The following ADGRV1 variants were observed in gnomAD, a reference collection of about 807,000 sequenced individuals.
ADGRV1 encodes the protein G-protein coupled receptor 98.
Under a neutral mutation model 596.2 loss-of-function variants are expected in ADGRV1, and 359 were observed. The ratio of observed to expected loss-of-function variants is 0.60; its 90% CI spans 0.55 to 0.66. The LOEUF is 0.66. ADGRV1 is among the 30% of genes least tolerant of loss of function. The probability of loss-of-function intolerance (pLI) is 0.00; values close to 1 mark genes in which losing one functional copy is unlikely to be tolerated. For missense variants in ADGRV1, 7,274 were observed against 7,575.6 expected (o/e 0.96, Z 1.48); for synonymous variants, 2,681 against 2,679.2 (o/e 1.00, Z -0.02).
intron 1 of ADGRV1, among the ~76,000 whole-genome samples, chr5:90,595,778 C>T (rs1282898593): frequency 7.1e-5 from 10 of 140,042 alleles, no homozygotes; most frequent in East Asian, 4.7e-4. Flanking sequence ...GGTGGCTGGC[C>T]GGGCGGGAGG....
intron 9 of ADGRV1, among the ~76,000 whole-genome samples, chr5:90,632,340 T>C (rs1236550456): frequency 1.3e-5 from 2 of 152,176 alleles, no homozygotes; most frequent in African/African-American, 2.4e-5. Context: ...GTTTGAGAAT[T>C]GATGATGCAG....
chr5:90,904,899 A>G (rs1308129060), intron 83 of ADGRV1, among the ~76,000 whole-genome samples: 1 of 140,548 alleles, frequency 7.1e-6, no homozygotes, highest in Non-Finnish European at 1.5e-5. Context: ...ATCCATTTTG[A>G]TTTGATTTTT....
intron 83 of ADGRV1, among the ~76,000 whole-genome samples, chr5:90,927,420 G>A (rs183396450): frequency 1.3e-3 from 194 of 152,148 alleles, no homozygotes; most frequent in Admixed American, 5.2e-3. Flanking sequence ...ATCTTTGTTG[G>A]TTTAAAGTCT....
At chr5:90,669,781 T>C (rs950192010) in intron 21 of ADGRV1, among the ~76,000 whole-genome samples, 3 of 152,222 alleles carry the variant, frequency 2.0e-5, no homozygotes, top group Non-Finnish European at 2.9e-5. Context: ...CAATTTTCTG[T>C]GTTCACCAAG....
At chr5:90,916,921 C>T (rs994012492) in intron 83 of ADGRV1, among the ~76,000 whole-genome samples, 1 of 152,074 alleles carries the variant, frequency 6.6e-6, no homozygotes, top group African/African-American at 2.4e-5. Flanking sequence ...CGTGAGCCAC[C>T]GCGCCCTGCC....
At position 90,728,894 on chromosome 5, in the gene ADGRV1, A is replaced by T. The variant is rs1197373823; in HGVS notation, c.10387A>T (p.Asn3463Tyr). Reference protein sequence around the residue: ...TTEVEALSSANDIYLIFAENV... With the variant: ...TTEVEALSSAYDIYLIFAENV... ...AGAAGTTGAGGCTTTGTCTTCAGCCAATGATATTTACCTAATATTTGCCGA... is the reference window on the plus strand; with the variant it reads ...AGAAGTTGAGGCTTTGTCTTCAGCCTATGATATTTACCTAATATTTGCCGA... The change falls in exon 49 of 90, where the codon AAT becomes TAT. Residue 3463 changes from asparagine to tyrosine, a missense_variant. This residue lies in a region of ADGRV1 where 3,643 missense variants were observed against 3,809.2 expected (regional missense o/e 0.96). Transcript: ENST00000405460. 2 of 1,613,036 alleles carry T rather than the reference A, an allele frequency of 1.2e-6. No homozygotes were observed. Among genetic ancestry groups the T allele is most frequent in the Non-Finnish European group, 1.7e-6 (2 of 1,179,552 alleles).
intron 83 of ADGRV1, among the ~76,000 whole-genome samples, chr5:90,900,089 T>G (rs1771697782): frequency 6.6e-6 from 1 of 152,218 alleles, no homozygotes; most frequent in African/African-American, 2.4e-5. Context: ...CAGAACATAC[T>G]TATTTCATTT....
chr5:90,622,596 G>A lies in ADGRV1; in HGVS notation c.454-1G>A. The A allele has an allele frequency of 7.0e-7, 1 of 1,422,138 alleles. No homozygotes were observed. Among genetic ancestry groups the A allele is most frequent in the Non-Finnish European group, 9.3e-7 (1 of 1,079,432 alleles). 88.1% of individuals were successfully genotyped at this position (1,422,138 alleles called of 1,614,324 possible). A position where few individuals can be genotyped will look rare whatever the true frequency, so the allele number is the denominator to read the frequency against. ...TCATCTGTGCTTGCTTTCCTCAATA[G>A]CTTCCCTCAATCGCAGTGAGTGAGC... On this transcript the variant is annotated splice_acceptor_variant, in intron 4 of 89. Transcript: ENST00000405460. LOFTEE classifies it high-confidence loss of function.
rs186745482 is a variant in ADGRV1, at chr5:91,004,717, C to G, written c.18152+19195C>G. Among the ~76,000 whole-genome samples, 578 of 152,142 alleles carry G rather than the reference C, an allele frequency of 3.8e-3. 2 individuals are homozygous for G. The highest frequency in any genetic ancestry group is 0.013 in the African/African-American group (553 of 41,504). ...TTGATTTAATCATTTGTTGTGAATT[C>G]TAAAGCTAAAGAGAAATGCTGGAAA... On this transcript the variant is annotated intron_variant, in intron 85 of 89. Transcript: ENST00000405460.
Position 90,783,178 on chromosome 5 carries a change from ATGGCTATGT to A in ADGRV1, c.13287_13295del (p.Tyr4429_Val4432delinsTer). Reference sequence around the variant, plus strand: ...CCAGTGGTGAGGCTACATGGAACTTATGGCTATGTGACAGCTGATTTCATCTCTCAGAGC... The same window carrying A: ...CCAGTGGTGAGGCTACATGGAACTTAGACAGCTGATTTCATCTCTCAGAGC... On this transcript the variant is annotated stop_gained and inframe_deletion, in exon 66 of 90. Coordinates refer to ENST00000405460, the MANE Select transcript of ADGRV1 (RefSeq NM_032119.4). LOFTEE classifies it high-confidence loss of function. The A allele has an allele frequency of 6.2e-7, 1 of 1,613,694 alleles. No individual in the cohort carries two copies. The highest frequency in any genetic ancestry group is 1.1e-5 in the South Asian group (1 of 91,074).
chr5:91,093,498 C>G (rs1360185809), intron 86 of ADGRV1, among the ~76,000 whole-genome samples: 3 of 152,230 alleles, frequency 2.0e-5, no homozygotes, highest in Non-Finnish European at 2.9e-5. Context: ...TTTTATTGAA[C>G]AAACATTAAG....
intron 84 of ADGRV1, among the ~76,000 whole-genome samples, chr5:90,965,748 G>C (rs1278007907): frequency 1.3e-5 from 2 of 152,320 alleles, no homozygotes; most frequent in Non-Finnish European, 2.9e-5. Flanking sequence ...AGTAGGATTG[G>C]AAACAAGGGA....
chr5:90,966,559 A>AT (rs1778490465), intron 84 of ADGRV1, among the ~76,000 whole-genome samples: 1 of 151,258 alleles, frequency 6.6e-6, no homozygotes, highest in Non-Finnish European at 1.5e-5. Flanking sequence ...AATAGAAAGA[A>AT]AGAAAGAAAT....
intron 9 of ADGRV1, among the ~76,000 whole-genome samples, chr5:90,630,979 G>C (rs1765424040): frequency 6.6e-6 from 1 of 152,106 alleles, no homozygotes; most frequent in African/African-American, 2.4e-5. Context: ...TTATGCTGTA[G>C]TTTTGTTGTA....
At chr5:90,701,875 C>T (rs77054299) in intron 34 of ADGRV1, among the ~76,000 whole-genome samples, 2 of 151,614 alleles carry the variant, frequency 1.3e-5, no homozygotes, top group Non-Finnish European at 2.9e-5. Flanking sequence ...TATAGATTAC[C>T]CTTCAACATG....
chr5:90,814,309 A>T (rs74540767), intron 74 of ADGRV1, among the ~76,000 whole-genome samples: 1,615 of 152,284 alleles, frequency 0.011, 32 homozygotes, highest in African/African-American at 0.037. Flanking sequence ...GATGACTACT[A>T]GTTCTTCCCT....
chr5:91,032,540 T>C (rs1258254116), intron 85 of ADGRV1, among the ~76,000 whole-genome samples: 1 of 152,010 alleles, frequency 6.6e-6, no homozygotes, highest in East Asian at 1.9e-4. Flanking sequence ...TATAGTTGAG[T>C]CATTAACCAC....
In ADGRV1 at chr5:90,745,773, A is replaced by T; in HGVS notation, c.10952A>T (p.Tyr3651Phe). Reference protein sequence around the residue: ...TITILSNDDAYGIVAFAQNSL... With the variant: ...TITILSNDDAFGIVAFAQNSL... The stretch of plus-strand genomic sequence containing the variant: ...ACCATTCTGTCTAATGATGATGCCT[A>T]TGGAATTGTTGCATTTGCTCAGGTA... Residue 3651 changes from tyrosine (Y) to phenylalanine (F), a missense_variant, in exon 52 of 90, where the codon TAT becomes TTT. Physicochemically the swap from Tyr to Phe is conservative, Grantham distance 22 (BLOSUM62 3). Coordinates refer to ENST00000405460, the MANE Select transcript of ADGRV1 (RefSeq NM_032119.4). 1 of 1,606,418 alleles carries T rather than the reference A, an allele frequency of 6.2e-7. No individual in the cohort carries two copies. The highest frequency in any genetic ancestry group is 8.5e-7 in the Non-Finnish European group (1 of 1,174,130).
intron 87 of ADGRV1, 115 bp downstream of exon 87, chr5:91,102,455 T>A: frequency 1.2e-6 from 1 of 813,632 alleles, no homozygotes; most frequent in Non-Finnish European, 1.8e-6. Context: ...GTGTACATAA[T>A]AACATCATAT....
Sources: allele counts gnomAD v4.1 joint callset (sites outside exome capture counted in the v4.1 genomes callset), GRCh38; gene constraint gnomAD v4.1.1; regional missense constraint gnomAD v4.1.1; transcripts MANE v1.5; gene names NCBI Gene and HGNC (gene_info 2026-07-23, HGNC 2026-07-21).